Variants in COL6A5 observed in about 807,000 individuals in gnomAD.
COL6A5 encodes collagen type VI alpha 5 chain, also known as collagen alpha-5(VI) chain.
Under a neutral mutation model 65.6 loss-of-function variants are expected in COL6A5, and 48 were observed. That is an observed-to-expected ratio of 0.73 (90% CI 0.58 to 0.93). The LOEUF is 0.93. Ranked by LOEUF, COL6A5 falls within the 40% of genes least tolerant of loss-of-function variation. COL6A5 has a pLI of 0.00. For missense variants in COL6A5, 914 were observed against 928.3 expected (o/e 0.98, Z 0.20); for synonymous variants, 291 against 322.8 (o/e 0.90, Z 1.05).
intron 17 of COL6A5, among the ~76,000 whole-genome samples, chr3:130,406,996 G>A (rs1014177283): frequency 1.1e-4 from 17 of 152,136 alleles, no homozygotes; most frequent in Admixed American, 1.0e-3. Context: ...CATATCAATA[G>A]AATTACATAA....
intron 24 of COL6A5, among the ~76,000 whole-genome samples, chr3:130,417,295 AT>A (rs1263089834): frequency 6.6e-6 from 1 of 152,126 alleles, no homozygotes; most frequent in African/African-American, 2.4e-5. Context: ...GATATTTCTT[AT>A]GGATTTCAAA....
chr3:130,432,633 C>T (rs62281866), intron 1 of COL6A5, among the ~76,000 whole-genome samples: 85,251 of 151,488 alleles, frequency 0.56, 26,447 homozygotes, highest in Non-Finnish European at 0.71. Context: ...AATTGAGATT[C>T]GAACTTAGGT....
intron 20 of COL6A5, among the ~76,000 whole-genome samples, chr3:130,411,901 G>A (rs549902263): frequency 9.3e-4 from 141 of 152,174 alleles, no homozygotes; most frequent in Non-Finnish European, 1.7e-3. Flanking sequence ...AGGCAACATT[G>A]ATATGAAACA....
At chr3:130,455,739 T>C in intron 5 of COL6A5, 73 bp downstream of exon 37, 1 of 1,221,202 alleles carries the variant, frequency 8.2e-7, no homozygotes, top group Non-Finnish European at 1.2e-6. Flanking sequence ...TAGTAGAAAA[T>C]CAAATAAATT....
At chr3:130,457,808 C>G (rs892168456) in intron 5 of COL6A5, among the ~76,000 whole-genome samples, 5 of 152,058 alleles carry the variant, frequency 3.3e-5, no homozygotes, top group African/African-American at 9.7e-5. Flanking sequence ...AGTGTGCTGT[C>G]CTGTAGAGTG....
At chr3:130,396,545 C>T (rs186841879) in intron 8 of COL6A5, among the ~76,000 whole-genome samples, 12 of 152,342 alleles carry the variant, frequency 7.9e-5, no homozygotes, top group Admixed American at 7.8e-4. Flanking sequence ...GTTTGTTTGT[C>T]GCATCCAGCG....
chr3:130,436,222 TTATTAC>T (rs956856306), intron 1 of COL6A5, among the ~76,000 whole-genome samples: 63 of 151,372 alleles, frequency 4.2e-4, no homozygotes, highest in African/African-American at 1.4e-3. Flanking sequence ...TTCCCCTATT[TTATTAC>T]TTTTAATAGT....
intron 7 of COL6A5, among the ~76,000 whole-genome samples, chr3:130,474,446 A>G (rs559049363): frequency 5.9e-5 from 9 of 152,230 alleles, no homozygotes; most frequent in African/African-American, 2.2e-4. Flanking sequence ...AGATGTGAAC[A>G]ATTCTCAAAG....
intron 1 of COL6A5, among the ~76,000 whole-genome samples, chr3:130,355,829 T>TA (rs1440236564): frequency 1.3e-5 from 2 of 150,616 alleles, no homozygotes; most frequent in African/African-American, 2.4e-5. Flanking sequence ...GTCCTTACTT[T>TA]AAAAAAAAAG....
At chr3:130,473,318 C>A (rs1457464268) in intron 7 of COL6A5, among the ~76,000 whole-genome samples, 1 of 152,106 alleles carries the variant, frequency 6.6e-6, no homozygotes, top group African/African-American at 2.4e-5. Context: ...ATGCTGAGGG[C>A]AAGCCTAAGT....
chr3:130,445,563 C>G (rs943895153), intron 4 of COL6A5, among the ~76,000 whole-genome samples: 6 of 152,112 alleles, frequency 3.9e-5, no homozygotes, highest in Non-Finnish European at 8.8e-5. Flanking sequence ...GAACAACAGA[C>G]AGAATAGTTT....
At chr3:130,447,847 T>C (rs1375124548) in intron 4 of COL6A5, among the ~76,000 whole-genome samples, 1 of 152,204 alleles carries the variant, frequency 6.6e-6, no homozygotes, top group Non-Finnish European at 1.5e-5. Context: ...TTGCCATTAC[T>C]GGAGCCATCA....
intron 5 of COL6A5, among the ~76,000 whole-genome samples, chr3:130,467,134 G>T (rs1709836242): frequency 6.6e-6 from 1 of 151,896 alleles, no homozygotes; most frequent in Admixed American, 6.6e-5. Context: ...ATACATAATA[G>T]TTGTACATAT....
intron 29 of COL6A5, among the ~76,000 whole-genome samples, chr3:130,426,008 C>G (rs899985499): frequency 1.2e-4 from 18 of 151,360 alleles, no homozygotes; most frequent in African/African-American, 3.9e-4. Flanking sequence ...CTTACCTGAT[C>G]TAACACTGAA....
chr3:130,474,041 T>G (rs1218499061), intron 7 of COL6A5, among the ~76,000 whole-genome samples: 1 of 152,084 alleles, frequency 6.6e-6, no homozygotes, highest in Non-Finnish European at 1.5e-5. Flanking sequence ...AGTGACAGTC[T>G]CAAGTAGTAA....
At chr3:130,484,290 G>T in exon 8 of COL6A5, 1 of 523,786 alleles carries the variant, frequency 1.9e-6, no homozygotes, top group East Asian at 3.0e-5. Context: ...TTTCTCCTGA[G>T]AACTGGGGAA....
chr3:130,453,818 T>C (rs1357738820), intron 4 of COL6A5, among the ~76,000 whole-genome samples: 1 of 152,136 alleles, frequency 6.6e-6, no homozygotes, highest in African/African-American at 2.4e-5. Flanking sequence ...GTCTCTTTGA[T>C]ACACCCAGGA....
At chr3:130,449,179 A>G (rs183947324) in intron 4 of COL6A5, among the ~76,000 whole-genome samples, 247 of 152,294 alleles carry the variant, frequency 1.6e-3, no homozygotes, top group African/African-American at 5.7e-3. Flanking sequence ...TCGGATTTCC[A>G]TTGTAAAGGG....
rs559540004 is a variant in COL6A5 at position 130,415,836 on chromosome 3, G to A, written c.4824+129G>A. On this transcript the variant is annotated intron_variant and NMD_transcript_variant, in intron 23 of 41. Coordinates refer to the COL6A5 transcript ENST00000312481. ...TTATTTCATTTTTGGATTATCTGGG[G>A]CAAAATTCTAGCGCAGCTCAGATTC... 5.3e-5 allele frequency: 39 copies of A among 731,494 alleles called. No homozygotes were observed. In the East Asian group the frequency reaches 1.2e-3, roughly 22 times the overall value. 45.3% of individuals were successfully genotyped at this position (731,494 alleles called of 1,614,324 possible).
Sources: allele counts gnomAD v4.1 joint callset (sites outside exome capture counted in the v4.1 genomes callset), GRCh38; gene constraint gnomAD v4.1.1; transcripts MANE v1.5; gene names NCBI Gene and HGNC (gene_info 2026-07-23, HGNC 2026-07-21).